ANK2: variants seen among roughly 807,000 people sequenced by gnomAD.
ANK2 encodes ankyrin 2, also known as ankyrin-2.
A neutral mutation model predicts 360.5 loss-of-function variants in ANK2; 83 were observed. The ratio of observed to expected loss-of-function variants is 0.23; its 90% CI spans 0.19 to 0.28. The LOEUF (loss-of-function observed/expected upper bound fraction) is 0.28. Among genes scored for constraint, ANK2 ranks in the 10% least tolerant of loss-of-function variants. The pLI, the probability that ANK2 is intolerant of heterozygous loss-of-function variation, is 1.00. For missense variants in ANK2, 4,201 were observed against 4,795.7 expected (o/e 0.88, Z 3.66); for synonymous variants, 1,740 against 1,759.5 (o/e 0.99, Z 0.28).
At chr4:113,242,300 G>A in intron 9 of ANK2, 91 bp downstream of exon 9, 1 of 1,114,978 alleles carries the variant, frequency 9.0e-7, no homozygotes, top group African/African-American at 1.5e-5. Flanking sequence ...ATTAACATAA[G>A]CAATGTGTTT....
At position 112,850,504 on chromosome 4, in the gene ANK2, C is replaced by CTTTT. The variant is rs60510554; in HGVS notation, c.-40+32267_-40+32270dup. The stretch of plus-strand genomic sequence containing the variant: ...TTTTTTTAACATTTCCTGTGCTAGT[C>CTTTT]TTTTTTTTTTTTTTTTTTTTTTTTT... On this transcript the variant is annotated intron_variant, in intron 1 of 30. Transcript: ENST00000503271. Among the ~76,000 whole-genome samples the CTTTT allele has an allele frequency of 4.1e-3, 24 of 5,820 alleles. 9 individuals are homozygous for CTTTT. Among genetic ancestry groups the CTTTT allele is most frequent in the African/African-American group, 0.011 (15 of 1,406 alleles). The allele number at this position is 5,820 out of a possible 152,430, so 3.8% of individuals were successfully genotyped here.
At chr4:112,752,228 G>C in the ANK2 span, among the ~76,000 whole-genome samples, 1 of 152,224 alleles carries the variant, frequency 6.6e-6, no homozygotes, top group Non-Finnish European at 1.5e-5. Flanking sequence ...TTTACCATTT[G>C]CTTCAACTCC....
chr4:113,190,763 A>G (rs2098647908), intron 2 of ANK2, among the ~76,000 whole-genome samples: 1 of 152,192 alleles, frequency 6.6e-6, no homozygotes, highest in African/African-American at 2.4e-5. Flanking sequence ...AATTAATGCA[A>G]TTAAGCACTT....
chr4:113,327,494 T>C (rs1399137173), intron 26 of ANK2, among the ~76,000 whole-genome samples: 1 of 152,222 alleles, frequency 6.6e-6, no homozygotes, highest in Non-Finnish European at 1.5e-5. Context: ...TAGACATAAA[T>C]ATATACAGCT....
At chr4:113,160,610 T>C (rs767766439) in intron 1 of ANK2, among the ~76,000 whole-genome samples, 8 of 150,226 alleles carry the variant, frequency 5.3e-5, no homozygotes, top group Non-Finnish European at 8.8e-5. Flanking sequence ...GTTTTTCCCT[T>C]ATATTATATT....
chr4:113,176,876 C>A (rs898259875), intron 2 of ANK2, among the ~76,000 whole-genome samples: 1 of 152,010 alleles, frequency 6.6e-6, no homozygotes, highest in Non-Finnish European at 1.5e-5. Context: ...TGAGAACATG[C>A]GGTGTTTGGT....
chr4:112,816,348 T>C (rs1471485511), upstream of ANK2, among the ~76,000 whole-genome samples: 1 of 152,142 alleles, frequency 6.6e-6, no homozygotes, highest in Non-Finnish European at 1.5e-5. Flanking sequence ...TGGAATCTCA[T>C]ATTGAATTCC....
At chr4:113,070,819 A>G (rs1250778748) in intron 1 of ANK2, among the ~76,000 whole-genome samples, 2 of 152,116 alleles carry the variant, frequency 1.3e-5, no homozygotes, top group African/African-American at 2.4e-5. Flanking sequence ...AATTAAATTA[A>G]TTTATGGTAT....
intron 26 of ANK2, among the ~76,000 whole-genome samples, chr4:113,329,637 G>C (rs17045918): frequency 0.094 from 14,306 of 152,150 alleles, 958 homozygotes; most frequent in African/African-American, 0.19. Flanking sequence ...GTATGGCAGA[G>C]AGATTCCTAC....
chr4:112,836,620 A>G (rs1480968001), intron 1 of ANK2, among the ~76,000 whole-genome samples: 7 of 152,210 alleles, frequency 4.6e-5, no homozygotes, highest in African/African-American at 1.7e-4. Context: ...GTGGTCTCAT[A>G]TGGAGATGAG....
At chr4:112,747,799 T>C in the ANK2 span, among the ~76,000 whole-genome samples, 1 of 152,146 alleles carries the variant, frequency 6.6e-6, no homozygotes, top group Non-Finnish European at 1.5e-5. Context: ...TCCAGTCTCC[T>C]AGGGTTGGAA....
At chr4:113,005,375 G>GAT (rs1422639324) in intron 2 of ANK2, among the ~76,000 whole-genome samples, 1 of 152,148 alleles carries the variant, frequency 6.6e-6, no homozygotes, top group East Asian at 1.9e-4. Context: ...AAGAAAATGT[G>GAT]ATATATATAA....
chr4:113,023,336 A>G (rs2058578613), intron 2 of ANK2, among the ~76,000 whole-genome samples: 1 of 152,180 alleles, frequency 6.6e-6, no homozygotes, highest in Non-Finnish European at 1.5e-5. Context: ...CTGTCCCTGC[A>G]TGGGCAGCCC....
the ANK2 span, among the ~76,000 whole-genome samples, chr4:112,731,936 G>A: frequency 6.6e-6 from 1 of 152,094 alleles, no homozygotes; most frequent in Non-Finnish European, 1.5e-5. Context: ...GACAACAGGT[G>A]TGCGGCACCA....
At chr4:113,069,860 T>C (rs2279891) in intron 1 of ANK2, 44,766 of 152,086 alleles carry the variant, frequency 0.29, 6,896 homozygotes, top group African/African-American at 0.38. Flanking sequence ...TTACCTATTC[T>C]TCATGCTTGA....
chr4:112,777,618 CTT>C, the ANK2 span, among the ~76,000 whole-genome samples: 3,205 of 128,292 alleles, frequency 0.025, 87 homozygotes, highest in African/African-American at 0.084. Context: ...CATCTATAAT[CTT>C]TTTTTTTTTT....
chr4:112,885,360 G>A (rs1317010918), intron 1 of ANK2, among the ~76,000 whole-genome samples: 1 of 151,876 alleles, frequency 6.6e-6, no homozygotes, highest in African/African-American at 2.4e-5. Flanking sequence ...TTAGCTGGGT[G>A]TGGAGGCACG....
intron 2 of ANK2, among the ~76,000 whole-genome samples, chr4:113,031,832 A>G (rs1304574138): frequency 6.6e-6 from 1 of 152,016 alleles, no homozygotes; most frequent in Non-Finnish European, 1.5e-5. Flanking sequence ...TTAATATCAA[A>G]TGCAAGGGTA....
In ANK2 at chr4:113,114,929, T is replaced by C. The variant is rs144245788; in HGVS notation, c.85-59487T>C. The stretch of plus-strand genomic sequence containing the variant: ...CTTAGCCACATTTCCTTGGGACTCA[T>C]GCTATTAAGCTAAATGGACATCCAC... On this transcript the variant is annotated intron_variant, in intron 1 of 45. Transcript: ENST00000357077. 2.9e-3 allele frequency among the ~76,000 whole-genome samples: 437 copies of C among 152,338 alleles called. 3 individuals carry two copies. The highest frequency in any genetic ancestry group is 9.7e-3 in the African/African-American group (402 of 41,574).
Sources: gnomAD v4.1 joint callset for allele counts (sites outside exome capture counted in the v4.1 genomes callset) on GRCh38, gnomAD v4.1.1 for gene constraint, MANE v1.5 for transcripts, NCBI Gene and HGNC (gene_info 2026-07-23, HGNC 2026-07-21) for gene names.